Variants in ARL15 observed in about 807,000 individuals in gnomAD.
The protein encoded by ARL15 is ADP-ribosylation factor-like protein 15.
Under a neutral mutation model 25.2 loss-of-function variants are expected in ARL15, and 19 were observed. That is an observed-to-expected ratio of 0.75 (90% CI 0.53 to 1.10). The LOEUF (loss-of-function observed/expected upper bound fraction) is 1.10. Among genes scored for constraint, ARL15 ranks in the 50% least tolerant of loss-of-function variants. The pLI, the probability that ARL15 is intolerant of heterozygous loss-of-function variation, is 0.00. For synonymous variants in ARL15, 94 were observed against 86.8 expected (o/e 1.08, Z -0.46); for missense variants, 220 against 246.0 (o/e 0.89, Z 0.71).
chr5:53,936,536 T>A (rs702623), intron 4 of ARL15, among the ~76,000 whole-genome samples: 113,421 of 152,100 alleles, frequency 0.75, 42,451 homozygotes, highest in Non-Finnish European at 0.79. Flanking sequence ...CACTTGCTAT[T>A]GGTATGCTAT....
At chr5:54,029,414 A>C (rs1025800173) in intron 4 of ARL15, among the ~76,000 whole-genome samples, 1 of 149,604 alleles carries the variant, frequency 6.7e-6, no homozygotes, top group East Asian at 2.0e-4. Flanking sequence ...AAGACACAAT[A>C]CAGCTCTCAA....
At chr5:54,150,787 G>A (rs549873390) in intron 3 of ARL15, among the ~76,000 whole-genome samples, 25 of 147,286 alleles carry the variant, frequency 1.7e-4, no homozygotes, top group Non-Finnish European at 3.4e-4. Flanking sequence ...AACGGAGCAA[G>A]ACTCTGTCTC....
At chr5:53,984,313 G>C (rs983610529) in intron 4 of ARL15, among the ~76,000 whole-genome samples, 8 of 151,910 alleles carry the variant, frequency 5.3e-5, no homozygotes, top group Non-Finnish European at 1.0e-4. Context: ...CACTATTCTT[G>C]GTGTGGTCTT....
At chr5:54,234,900 A>C (rs2112562679) in intron 1 of ARL15, among the ~76,000 whole-genome samples, 1 of 152,328 alleles carries the variant, frequency 6.6e-6, no homozygotes, top group South Asian at 2.1e-4. Context: ...TTTTTAAAAG[A>C]GCTAAGAAAA....
chr5:54,086,001 C>G (rs1472142212), intron 4 of ARL15, among the ~76,000 whole-genome samples: 4 of 151,930 alleles, frequency 2.6e-5, no homozygotes, highest in African/African-American at 9.7e-5. Context: ...CGCAACCTCC[C>G]TCTCCTGGGT....
chr5:54,030,989 G>A (rs1473922204), intron 4 of ARL15, among the ~76,000 whole-genome samples: 1 of 152,158 alleles, frequency 6.6e-6, no homozygotes, highest in African/African-American at 2.4e-5. Flanking sequence ...CACTGTAAAT[G>A]CAAGTAGCAC....
At chr5:54,141,427 C>A (rs535094769) in intron 3 of ARL15, among the ~76,000 whole-genome samples, 4 of 151,944 alleles carry the variant, frequency 2.6e-5, no homozygotes, top group African/African-American at 9.7e-5. Context: ...GGAAAGCAAT[C>A]CAAGAAAAGG....
At position 53,954,705 on chromosome 5, in the gene ARL15, C is replaced by T. The variant is rs9885002; in HGVS notation, c.463-67992G>A. On this transcript the variant is annotated intron_variant, in intron 4 of 4. Coordinates refer to ENST00000504924, the MANE Select transcript of ARL15 (RefSeq NM_019087.3). The stretch of plus-strand genomic sequence containing the variant: ...TTTACATAAATAGACTCATTTAATA[C>T]TCAAAACGGTCAGTAAAATTAGGCA... 5.1e-3 allele frequency among the ~76,000 whole-genome samples: 775 copies of T among 152,276 alleles called. 6 individuals are homozygous for T. The highest frequency in any genetic ancestry group is 0.018 in the African/African-American group (741 of 41,556).
chr5:54,257,678 A>T (rs985288143), intron 1 of ARL15, among the ~76,000 whole-genome samples: 4 of 152,172 alleles, frequency 2.6e-5, no homozygotes, highest in African/African-American at 9.7e-5. Context: ...AAATGCAAAA[A>T]CTTTTGGTAA....
intron 1 of ARL15, among the ~76,000 whole-genome samples, chr5:54,251,869 C>T (rs932357138): frequency 3.3e-5 from 5 of 152,226 alleles, no homozygotes; most frequent in African/African-American, 1.2e-4. Flanking sequence ...ACACCACAAA[C>T]CAATTAGTAC....
At chr5:53,995,303 C>CAAAAAAAAAAAAAA (rs34234639) in intron 4 of ARL15, among the ~76,000 whole-genome samples, 1 of 44,682 alleles carries the variant, frequency 2.2e-5, no homozygotes, top group Non-Finnish European at 4.3e-5. Context: ...GACTCCGTCA[C>CAAAAAAAAAAAAAA]AAAAAAAAAA....
At chr5:54,191,804 T>C (rs186651002) in intron 1 of ARL15, among the ~76,000 whole-genome samples, 2 of 152,168 alleles carry the variant, frequency 1.3e-5, no homozygotes, top group Non-Finnish European at 2.9e-5. Context: ...AACCTCCGTA[T>C]AGTCTATTTA....
At chr5:53,918,487 T>C (rs1201584054) in intron 4 of ARL15, among the ~76,000 whole-genome samples, 2 of 152,170 alleles carry the variant, frequency 1.3e-5, no homozygotes, top group African/African-American at 4.8e-5. Flanking sequence ...TCACTGCTGC[T>C]AGCCGGAAAT....
At chr5:53,929,200 G>A (rs1245423374) in intron 4 of ARL15, among the ~76,000 whole-genome samples, 2 of 150,494 alleles carry the variant, frequency 1.3e-5, no homozygotes, top group Non-Finnish European at 2.9e-5. Context: ...ATAAAAGCAC[G>A]CAGATTGGTT....
chr5:54,170,550 A>T (rs2112397504), intron 2 of ARL15, among the ~76,000 whole-genome samples: 1 of 152,276 alleles, frequency 6.6e-6, no homozygotes, highest in Admixed American at 6.5e-5. Flanking sequence ...AGCCACACAC[A>T]AATGCAGTTT....
At chr5:54,257,915 C>T (rs1384005631) in intron 1 of ARL15, among the ~76,000 whole-genome samples, 1 of 152,092 alleles carries the variant, frequency 6.6e-6, no homozygotes, top group Non-Finnish European at 1.5e-5. Flanking sequence ...ATAACAAAAA[C>T]ACCTTGTATT....
intron 1 of ARL15, among the ~76,000 whole-genome samples, chr5:54,286,962 G>A (rs1758197073): frequency 6.7e-6 from 1 of 149,812 alleles, no homozygotes; most frequent in South Asian, 2.1e-4. Flanking sequence ...TGGACCTCCT[G>A]TCCAGGATTG....
intron 1 of ARL15, among the ~76,000 whole-genome samples, chr5:54,286,822 A>T (rs1758192018): frequency 6.6e-6 from 1 of 152,052 alleles, no homozygotes; most frequent in Admixed American, 6.6e-5. Flanking sequence ...TGGGAATTTT[A>T]AAACTCAGTT....
intron 4 of ARL15, among the ~76,000 whole-genome samples, chr5:54,069,830 C>T (rs1751365408): frequency 6.6e-6 from 1 of 151,392 alleles, no homozygotes; most frequent in Non-Finnish European, 1.5e-5. Flanking sequence ...TTCACCACCA[C>T]ATCTAGCTAA....
Sources: allele counts gnomAD v4.1 joint callset (sites outside exome capture counted in the v4.1 genomes callset), GRCh38; gene constraint gnomAD v4.1.1; transcripts MANE v1.5; gene names NCBI Gene and HGNC (gene_info 2026-07-23, HGNC 2026-07-21).